The following VIPR2 variants were observed in gnomAD, a reference collection of about 807,000 sequenced individuals.
VIPR2 encodes vasoactive intestinal polypeptide receptor 2.
VIPR2 carries 48 observed loss-of-function variants against 58.0 expected under a neutral mutation model. The observed-to-expected ratio is 0.83, with a 90% CI of 0.66 to 1.05. The LOEUF (loss-of-function observed/expected upper bound fraction) is 1.05, where lower values mean the gene tolerates loss of function less well. VIPR2 is among the 50% of genes least tolerant of loss of function. The pLI is 0.00. For synonymous variants in VIPR2, 243 were observed against 235.2 expected (o/e 1.03, Z -0.30); for missense variants, 534 against 558.0 (o/e 0.96, Z 0.43).
intron 6 of VIPR2, among the ~76,000 whole-genome samples, chr7:159,039,800 G>A (rs942942208): frequency 2.0e-5 from 3 of 152,182 alleles, no homozygotes; most frequent in Non-Finnish European, 4.4e-5. Context: ...AACCTCACTG[G>A]CGAGTTCCAC....
At position 159,032,121 on chromosome 7, in the gene VIPR2, A is replaced by G. The variant is rs977988547; in HGVS notation, c.972-54T>C. ...CTGCTGGACCCTCGGACCCTCTGCAAGCCTGGCTGGGTCCTTCTCAGGAGG... is the reference window on the plus strand; with the variant it reads ...CTGCTGGACCCTCGGACCCTCTGCAGGCCTGGCTGGGTCCTTCTCAGGAGG... On this transcript the variant is annotated intron_variant, in intron 10 of 12. Transcript: ENST00000262178. The G allele has an allele frequency of 2.5e-6, 4 of 1,605,724 alleles. No individual in the cohort carries two copies. In the Admixed American group the frequency reaches 6.7e-5, roughly 27 times the overall value.
intron 5 of VIPR2, among the ~76,000 whole-genome samples, chr7:159,047,838 T>C (rs913382096): frequency 6.6e-6 from 1 of 152,232 alleles, no homozygotes; most frequent in African/African-American, 2.4e-5. Context: ...CAATATTCAC[T>C]GTATTGGTAA....
chr7:159,078,022 T>C (rs1332937353), intron 4 of VIPR2, among the ~76,000 whole-genome samples: 1 of 152,232 alleles, frequency 6.6e-6, no homozygotes, highest in Admixed American at 6.5e-5. Context: ...AAATTTGATA[T>C]AAACTTCAGA....
In VIPR2 at chr7:159,050,754, CA is replaced by C. The variant is rs368828103; in HGVS notation, c.456-7579del. The stretch of plus-strand genomic sequence containing the variant: ...TAGCCACAAGGTTTTTTGAAACTGA[CA>C]AAAGACAGTAACAGATTAAAGAAAC... On this transcript the variant is annotated intron_variant, in intron 5 of 12. Transcript: ENST00000262178. 6.3e-3 allele frequency among the ~76,000 whole-genome samples: 949 copies of C among 151,560 alleles called. 6 individuals carry two copies. The highest frequency in any genetic ancestry group is 0.022 in the African/African-American group (912 of 41,366).
At chr7:159,036,207 C>T (rs563210343) in intron 7 of VIPR2, among the ~76,000 whole-genome samples, 195 bp from the exon 8 acceptor site, 5 of 152,340 alleles carry the variant, frequency 3.3e-5, no homozygotes, top group Non-Finnish European at 5.9e-5. Context: ...ATTAAACACA[C>T]GCTTGAGAGC....
rs1854000388 is a variant in VIPR2, at chr7:159,036,886, C to T, written c.614G>A (p.Ser205Asn). The T allele has an allele frequency of 6.2e-7, 1 of 1,612,500 alleles. No homozygotes were observed. ...QPSSWVGCKL[S>N]LVFLQYCIMA... ...GATGCAGTACTGCAGGAAGACCAGGCTCAGCTTGCAGCCCACCTGGAAACC... is the reference window on the plus strand; with the variant it reads ...GATGCAGTACTGCAGGAAGACCAGGTTCAGCTTGCAGCCCACCTGGAAACC... Residue 205 changes from serine (S) to asparagine (N), a missense_variant, in exon 7 of 13, where the codon AGC (serine) becomes AAC (asparagine). Ser to Asn is a conservative substitution (Grantham distance 46, BLOSUM62 1). Transcript: ENST00000262178.
In VIPR2 at chr7:159,030,874, G is replaced by T. The variant is rs1853521662; in HGVS notation, c.1144-85C>A. ...GGGAAGCGCGGCCCGCGAGCCTCCA[G>T]CTCTCCCTCCCGCCTGCTCCCGTAT... On this transcript the variant is annotated intron_variant, in intron 12 of 12. Transcript: ENST00000262178. 2.8e-6 allele frequency: 4 copies of T among 1,406,354 alleles called. No homozygotes were observed. In the East Asian group the frequency reaches 1.1e-4, roughly 38 times the overall value. 87.1% of individuals were successfully genotyped at this position (1,406,354 alleles called of 1,614,324 possible). A position where few individuals can be genotyped will look rare whatever the true frequency, so the allele number is the denominator to read the frequency against.
At position 159,103,963 on chromosome 7, in the gene VIPR2, AG is replaced by A. The variant is rs1051556037; in HGVS notation, c.260-110del. ...CTCTATTAAAATGCTTCCCACACCC[AG>A]GGGTCAGCTAGGAGACAGGACTGCC... On this transcript the variant is annotated intron_variant, in intron 3 of 12. Coordinates refer to ENST00000262178, the MANE Select transcript of VIPR2 (RefSeq NM_003382.5). The A allele has an allele frequency of 1.3e-5, 12 of 913,464 alleles. No individual in the cohort carries two copies. The African/African-American group carries it at 1.8e-4, about 14-fold the overall frequency. 56.6% of individuals were successfully genotyped at this position (913,464 alleles called of 1,614,324 possible). A position where few individuals can be genotyped will look rare whatever the true frequency, so the allele number is the denominator to read the frequency against.
intron 5 of VIPR2, among the ~76,000 whole-genome samples, chr7:159,050,346 CAAAAAAACAAAAAAAAAAACAA>C (rs1407933443): frequency 2.4e-5 from 1 of 41,712 alleles, no homozygotes; most frequent in Non-Finnish European, 6.3e-5. Flanking sequence ...CAAAAAAACA[CAAAAAAACAAAAAAAAAAACAA>C]AAAAAAACAA....
chr7:159,075,973 C>T (rs1233349444), intron 4 of VIPR2, among the ~76,000 whole-genome samples: 1 of 152,232 alleles, frequency 6.6e-6, no homozygotes, highest in Non-Finnish European at 1.5e-5. Context: ...AATCTCCACA[C>T]CCTTTGTGTT....
chr7:159,039,713 G>A (rs768581866), intron 6 of VIPR2, among the ~76,000 whole-genome samples: 11 of 152,264 alleles, frequency 7.2e-5, no homozygotes, highest in Non-Finnish European at 7.4e-5. Context: ...GTGGTGCCTC[G>A]GTCTCAGGCC....
At chr7:159,139,963 T>C (rs151303897) in intron 2 of VIPR2, among the ~76,000 whole-genome samples, 1 of 152,364 alleles carries the variant, frequency 6.6e-6, no homozygotes, top group East Asian at 1.9e-4. Flanking sequence ...CTTGTCTTAG[T>C]GATGCATCGA....
At chr7:159,067,741 C>G (rs1856169690) in intron 4 of VIPR2, among the ~76,000 whole-genome samples, 1 of 152,238 alleles carries the variant, frequency 6.6e-6, no homozygotes, top group Non-Finnish European at 1.5e-5. Context: ...AATTCCAGCA[C>G]TGATGTTGGA....
At chr7:159,044,525 A>G (rs1273600804) in intron 5 of VIPR2, among the ~76,000 whole-genome samples, 1 of 151,992 alleles carries the variant, frequency 6.6e-6, no homozygotes, top group Admixed American at 6.6e-5. Context: ...ATTTACCTTA[A>G]GTTTCTGACT....
intron 4 of VIPR2, among the ~76,000 whole-genome samples, chr7:159,073,326 A>G (rs1193672976): frequency 6.6e-6 from 1 of 152,224 alleles, no homozygotes; most frequent in African/African-American, 2.4e-5. Flanking sequence ...CAGGATGCAA[A>G]GATGACACAT....
intron 10 of VIPR2, among the ~76,000 whole-genome samples, 196 bp downstream of exon 10, chr7:159,034,017 G>C (rs1040303330): frequency 6.6e-6 from 1 of 152,190 alleles, no homozygotes; most frequent in Non-Finnish European, 1.5e-5. Flanking sequence ...GGAGTGATTT[G>C]TTACTTCGCC....
intron 2 of VIPR2, among the ~76,000 whole-genome samples, chr7:159,117,909 A>C (rs1796300724): frequency 6.6e-6 from 1 of 152,196 alleles, no homozygotes; most frequent in African/African-American, 2.4e-5. Flanking sequence ...ATCGGCTCGG[A>C]TGACAGCTTG....
Position 159,098,264 on chromosome 7 carries a change from T to C in VIPR2, c.357+5493A>G, listed in dbSNP as rs982139218. 3.3e-5 allele frequency among the ~76,000 whole-genome samples: 5 copies of C among 152,194 alleles called. No homozygotes were observed. In the East Asian group the frequency reaches 9.7e-4, roughly 30 times the overall value. On this transcript the variant is annotated intron_variant, in intron 4 of 12. Transcript: ENST00000262178. The surrounding 1 kb of genome is among the most constrained non-coding windows in gnomAD (Gnocchi z 5.2). ...TCGGGGAGCCTCCCACACTTGGTGA[T>C]CCCGAGCCCTCAGTCTGCTGGTGGT...
rs78564798 is a variant in VIPR2 at position 159,036,791 on chromosome 7, G to A, written c.709C>T (p.Pro237Ser). 38 of 1,613,824 alleles carry A rather than the reference G, an allele frequency of 2.4e-5. No individual in the cohort carries two copies. The East Asian group carries it at 4.7e-4, about 20-fold the overall frequency. The change falls in exon 7 of 13, where the codon CCT (proline) becomes TCT (serine). Residue 237 changes from proline (P) to serine (S), a missense_variant. This residue lies in a region of VIPR2 where 306 missense variants were observed against 285.8 expected (regional missense o/e 1.07). Transcript: ENST00000262178. ...AGGTAGGCCAGGAAGCACCTTCTAGGGGGGAGCATGGCCACCAGGAGGGTG... is the reference window on the plus strand; with the variant it reads ...AGGTAGGCCAGGAAGCACCTTCTAGAGGGGAGCATGGCCACCAGGAGGGTG... Reference protein sequence around the residue: ...LHTLLVAMLPPRRCFLAYLLI... With the variant: ...LHTLLVAMLPSRRCFLAYLLI...
Sources: allele counts gnomAD v4.1 joint callset (sites outside exome capture counted in the v4.1 genomes callset), GRCh38; gene constraint gnomAD v4.1.1; regional missense constraint gnomAD v4.1.1; non-coding constraint Gnocchi (gnomAD v3.1); transcripts MANE v1.5; gene names NCBI Gene and HGNC (gene_info 2026-07-23, HGNC 2026-07-21).